MEI1: variants seen among roughly 807,000 people sequenced by gnomAD.
The protein encoded by MEI1 is meiosis inhibitor protein 1.
MEI1 carries 103 observed loss-of-function variants against 146.2 expected under a neutral mutation model. The observed-to-expected ratio is 0.70, with a 90% CI of 0.60 to 0.83. The LOEUF is 0.83. Among genes scored for constraint, MEI1 ranks in the 40% least tolerant of loss-of-function variants. The pLI is 0.00. For synonymous variants in MEI1, 652 were observed against 628.2 expected, an observed-to-expected ratio of 1.04 and a Z score of -0.57; for missense variants, 1,529 against 1,533.0, an observed-to-expected ratio of 1.00 and a Z score of 0.04.
intron 20 of MEI1, among the ~76,000 whole-genome samples, chr22:41,775,072 G>A (rs187963445): frequency 6.6e-6 from 1 of 152,340 alleles, no homozygotes; most frequent in Admixed American, 6.5e-5. Context: ...CTGTCCAAAG[G>A]AATTGGCTTC....
chr22:41,736,142 C>T (rs576113086), intron 11 of MEI1, among the ~76,000 whole-genome samples: 1 of 152,198 alleles, frequency 6.6e-6, no homozygotes, highest in African/African-American at 2.4e-5. Context: ...GACTTAAGGT[C>T]ATATCACTGT....
intron 20 of MEI1, among the ~76,000 whole-genome samples, chr22:41,773,603 C>T (rs931585385): frequency 5.4e-5 from 8 of 149,116 alleles, no homozygotes; most frequent in African/African-American, 9.9e-5. Context: ...AGGCCGGGCG[C>T]GGTGGCTCAC....
At chr22:41,756,441 T>C (rs1325744721) in intron 17 of MEI1, among the ~76,000 whole-genome samples, 1 of 151,940 alleles carries the variant, frequency 6.6e-6, no homozygotes, top group African/African-American at 2.4e-5. Context: ...TGGCCTTTAT[T>C]CAAATTTTAA....
chr22:41,781,251 G>A (rs1310299797), intron 22 of MEI1, 33 bp from the exon 23 acceptor site: 16 of 1,534,894 alleles, frequency 1.0e-5, no homozygotes, highest in Admixed American at 3.7e-5. Flanking sequence ...AGTGTTTTGC[G>A]ACAGGCCGAC....
At position 41,778,764 on chromosome 22, in the gene MEI1, G is replaced by A. The variant is rs2075600914; in HGVS notation, c.2767G>A (p.Val923Met). 3 of 1,609,586 alleles carry A rather than the reference G, an allele frequency of 1.9e-6. No individual in the cohort carries two copies. The highest frequency in any genetic ancestry group is 4.5e-5 in the East Asian group (2 of 44,738). The change falls in exon 22 of 31, where the codon GTG becomes ATG. Residue 923 changes from valine to methionine, a missense_variant. Transcript: ENST00000401548. ...SLLSLMQLRN[V>M]SEQELDSVAM... ...CCTCTCCCTGATGCAGCTCAGGAAT[G>A]TGTCAGAGCAAGAACTGGACAGCGT...
chr22:41,735,227 GTTTTTT>G (rs1279915415), intron 11 of MEI1, among the ~76,000 whole-genome samples: 1 of 85,506 alleles, frequency 1.2e-5, no homozygotes. Context: ...CTCCCAAAGT[GTTTTTT>G]TTTTTTTTTT....
chr22:41,754,150 C>T (rs939716208), intron 17 of MEI1, 104 bp downstream of exon 17: 2 of 819,568 alleles, frequency 2.4e-6, no homozygotes, highest in Non-Finnish European at 4.1e-6. Context: ...CACGAGATTT[C>T]TTTGCCTGAG....
chr22:41,723,433 T>G (rs1177373600), intron 6 of MEI1, among the ~76,000 whole-genome samples: 1 of 152,194 alleles, frequency 6.6e-6, no homozygotes, highest in African/African-American at 2.4e-5. Flanking sequence ...CAGGCTGGTC[T>G]TGAACTCCTG....
intron 15 of MEI1, among the ~76,000 whole-genome samples, chr22:41,751,327 C>A (rs963326857): frequency 2.0e-5 from 3 of 152,170 alleles, no homozygotes; most frequent in African/African-American, 7.2e-5. Flanking sequence ...AACCCAGGGG[C>A]TGGTGAAGTG....
At chr22:41,720,487 G>A (rs2070669992) in intron 6 of MEI1, among the ~76,000 whole-genome samples, 1 of 152,032 alleles carries the variant, frequency 6.6e-6, no homozygotes, top group African/African-American at 2.4e-5. Flanking sequence ...CTGGAGTGCA[G>A]TGGTAGGATC....
intron 17 of MEI1, 36 bp from the exon 18 acceptor site, chr22:41,758,329 C>T (rs1192926837): frequency 2.5e-6 from 4 of 1,592,816 alleles, no homozygotes; most frequent in East Asian, 4.5e-5. Context: ...CTTCTATGTT[C>T]TCTGTGTGGC....
At chr22:41,756,100 T>C (rs1183739260) in intron 17 of MEI1, among the ~76,000 whole-genome samples, 1 of 152,132 alleles carries the variant, frequency 6.6e-6, no homozygotes, top group Non-Finnish European at 1.5e-5. Flanking sequence ...CATGGTGAAA[T>C]GTGGAACATA....
intron 15 of MEI1, among the ~76,000 whole-genome samples, chr22:41,750,625 C>G (rs1290897551): frequency 1.3e-5 from 2 of 152,056 alleles, no homozygotes; most frequent in African/African-American, 2.4e-5. Flanking sequence ...TTTCTACCCC[C>G]TAAGATTGGA....
chr22:41,783,327 T>C (rs564762968), intron 24 of MEI1, among the ~76,000 whole-genome samples: 2 of 152,216 alleles, frequency 1.3e-5, no homozygotes, highest in African/African-American at 4.8e-5. Flanking sequence ...AGTTTTGCTC[T>C]AGTTGCCCAG....
chr22:41,793,907 A>G lies in MEI1; in HGVS notation c.3424A>G (p.Ile1142Val), dbSNP rs200265592. The G allele has an allele frequency of 6.2e-7, 1 of 1,611,064 alleles. No homozygotes were observed. Among genetic ancestry groups the G allele is most frequent in the Non-Finnish European group, 8.5e-7 (1 of 1,178,742 alleles). ...CTACCTGGATGCCCGGAGCCCAGAC[A>G]TTGGTAGAAACTCTCCACATTATCT... is the stretch of plus-strand genomic sequence containing the variant. Reference protein sequence around the residue: ...LDYLDARSPDIALHVASQPWN... With the variant: ...LDYLDARSPDVALHVASQPWN... The change falls in exon 27 of 31, where the codon ATT becomes GTT. Residue 1142 changes from isoleucine (I) to valine (V), a missense_variant. Around this residue, in one of 3 missense-constraint regions of MEI1, gnomAD observed 313 missense variants for 337.3 expected, o/e 0.93. Coordinates refer to ENST00000401548, the MANE Select transcript of MEI1 (RefSeq NM_152513.4).
intron 15 of MEI1, 69 bp from the exon 16 acceptor site, chr22:41,752,522 C>T (rs2073827746): frequency 7.2e-7 from 1 of 1,391,184 alleles, no homozygotes; most frequent in Non-Finnish European, 1.0e-6. Flanking sequence ...TTGATACCAC[C>T]CAGGCTTGGG....
At chr22:41,798,767 A>T (rs1479728877) in intron 30 of MEI1, among the ~76,000 whole-genome samples, 4 of 150,476 alleles carry the variant, frequency 2.7e-5, no homozygotes, top group Non-Finnish European at 5.9e-5. Context: ...ACTTGGGAGG[A>T]TGAGGCAGGA....
intron 11 of MEI1, among the ~76,000 whole-genome samples, chr22:41,739,251 T>C (rs1409280708): frequency 6.6e-6 from 1 of 152,226 alleles, no homozygotes; most frequent in African/African-American, 2.4e-5. Flanking sequence ...TTTAATTAGC[T>C]CACATTTTTT....
chr22:41,765,473 G>C (rs954983574), intron 19 of MEI1, among the ~76,000 whole-genome samples: 1 of 151,996 alleles, frequency 6.6e-6, no homozygotes, highest in African/African-American at 2.4e-5. Flanking sequence ...AGAGTAAGAC[G>C]TTGTCTCAAA....
Sources: gnomAD v4.1 joint callset for allele counts (sites outside exome capture counted in the v4.1 genomes callset) on GRCh38, gnomAD v4.1.1 for gene constraint, gnomAD v4.1.1 regional missense constraint, MANE v1.5 for transcripts, NCBI Gene and HGNC (gene_info 2026-07-23, HGNC 2026-07-21) for gene names.